The following LMO7 variants were observed in gnomAD, a reference collection of about 807,000 sequenced individuals.
The protein encoded by LMO7 is LIM domain 7, also known as LIM domain only protein 7.
A neutral mutation model predicts 206.5 loss-of-function variants in LMO7; 120 were observed. The ratio of observed to expected loss-of-function variants is 0.58; its 90% CI spans 0.50 to 0.68. LMO7 has a LOEUF of 0.68. Among genes scored for constraint, LMO7 ranks in the 30% least tolerant of loss-of-function variants. The pLI, the probability that LMO7 is intolerant of heterozygous loss-of-function variation, is 0.00. For missense variants in LMO7, 1,959 were observed against 1,957.9 expected, an observed-to-expected ratio of 1.00 and a Z score of -0.01; for synonymous variants, 706 against 681.5, an observed-to-expected ratio of 1.04 and a Z score of -0.56.
At chr13:75,711,593 C>T (rs1034630094) in intron 1 of LMO7, among the ~76,000 whole-genome samples, 8 of 152,214 alleles carry the variant, frequency 5.3e-5, no homozygotes, top group Admixed American at 2.0e-4. Flanking sequence ...CGCCCTGCTT[C>T]GGCTCACGCT....
intron 1 of LMO7, among the ~76,000 whole-genome samples, chr13:75,682,106 T>C (rs1011802786): frequency 4.6e-5 from 7 of 152,140 alleles, no homozygotes; most frequent in South Asian, 4.1e-4. Flanking sequence ...CTACCAACAA[T>C]GTATGAGAGT....
At chr13:75,822,825 AATATAT>A (rs35183302) in intron 14 of LMO7, among the ~76,000 whole-genome samples, 1,348 of 132,854 alleles carry the variant, frequency 0.01, 18 homozygotes, top group Non-Finnish European at 0.015. Flanking sequence ...TATATAATAA[AATATAT>A]ATATATATAT....
intron 3 of LMO7, among the ~76,000 whole-genome samples, chr13:75,732,767 G>C (rs543917093): frequency 8.5e-5 from 13 of 152,196 alleles, no homozygotes; most frequent in Admixed American, 1.3e-4. Flanking sequence ...TCGGCTTTTG[G>C]TCTTTGATGA....
intron 17 of LMO7, among the ~76,000 whole-genome samples, chr13:75,834,986 G>A (rs2059000599): frequency 6.6e-6 from 1 of 152,162 alleles, no homozygotes; most frequent in South Asian, 2.1e-4. Context: ...TTTTGGGAAG[G>A]TGGTCTGTTG....
chr13:75,796,488 A>G, intron 5 of LMO7, 148 bp from the exon 6 acceptor site: 1 of 584,910 alleles, frequency 1.7e-6, no homozygotes, highest in East Asian at 2.8e-5. Flanking sequence ...AATGACTTTT[A>G]CCTTTCCCAT....
chr13:75,642,449 A>AG (rs2036627006), intron 1 of LMO7, among the ~76,000 whole-genome samples: 2 of 150,260 alleles, frequency 1.3e-5, no homozygotes, highest in South Asian at 2.1e-4. Flanking sequence ...TACCAAAAAA[A>AG]AAAAAAAAAA....
At chr13:75,725,860 G>T (rs1240839813) in intron 2 of LMO7, among the ~76,000 whole-genome samples, 1 of 151,846 alleles carries the variant, frequency 6.6e-6, no homozygotes, top group Non-Finnish European at 1.5e-5. Flanking sequence ...TTATAATTTT[G>T]AATCCTGTTG....
At chr13:75,687,950 G>A (rs2041154125) in intron 1 of LMO7, among the ~76,000 whole-genome samples, 1 of 152,134 alleles carries the variant, frequency 6.6e-6, no homozygotes, top group Admixed American at 6.5e-5. Flanking sequence ...TCATGGGGGT[G>A]GTTCTTTCCC....
At chr13:75,822,774 A>G (rs1433019140) in intron 14 of LMO7, among the ~76,000 whole-genome samples, 1 of 102,258 alleles carries the variant, frequency 9.8e-6, no homozygotes, top group Non-Finnish European at 2.2e-5. Flanking sequence ...ATATATATAT[A>G]TATATATATA....
chr13:75,841,174 G>T lies in LMO7; in HGVS notation c.3648G>T (p.Glu1216Asp). ...GGCAAAGGGCCAAACAGGAGGCAGAGAGAGAGAATTCCAAGTACTTGGATG... is the reference window on the plus strand; with the variant it reads ...GGCAAAGGGCCAAACAGGAGGCAGATAGAGAGAATTCCAAGTACTTGGATG... ...EEWQRAKQEAERENSKYLDEE... is the reference protein window; with the variant it reads ...EEWQRAKQEADRENSKYLDEE... The change falls in exon 23 of 31, where the codon GAG becomes GAT. Residue 1216 changes from glutamate (E) to aspartate (D), a missense_variant. Glu to Asp is a conservative substitution (Grantham distance 45). Coordinates refer to ENST00000377534, the MANE Select transcript of LMO7 (RefSeq NM_001306080.2). 1 of 1,613,010 alleles carries T rather than the reference G, an allele frequency of 6.2e-7. No homozygotes were observed. The highest frequency in any genetic ancestry group is 8.5e-7 in the Non-Finnish European group (1 of 1,179,042).
At chr13:75,842,782 C>T (rs1466628467) in intron 24 of LMO7, 69 bp from the exon 25 acceptor site, 1 of 936,594 alleles carries the variant, frequency 1.1e-6, no homozygotes, top group Admixed American at 1.8e-5. Context: ...TTTTGATACC[C>T]TTTTCTTAAA....
At chr13:75,719,035 A>C (rs1249760143) in intron 2 of LMO7, among the ~76,000 whole-genome samples, 1 of 148,118 alleles carries the variant, frequency 6.8e-6, no homozygotes, top group African/African-American at 2.5e-5. Flanking sequence ...GCTGGAGTGC[A>C]ATGGCGCGAT....
intron 1 of LMO7, among the ~76,000 whole-genome samples, chr13:75,644,233 A>G (rs534772006): frequency 2.0e-5 from 3 of 152,234 alleles, no homozygotes; most frequent in Non-Finnish European, 2.9e-5. Context: ...AGTGCATTAT[A>G]CCCACATATC....
chr13:75,856,219 TA>T (rs1024401899), intron 29 of LMO7, among the ~76,000 whole-genome samples: 2 of 152,186 alleles, frequency 1.3e-5, no homozygotes, highest in African/African-American at 4.8e-5. Context: ...TCTGGGGGGA[TA>T]AAAACTAAAT....
chr13:75,690,978 A>G (rs1455284545), intron 1 of LMO7, among the ~76,000 whole-genome samples: 3 of 152,154 alleles, frequency 2.0e-5, no homozygotes, highest in Non-Finnish European at 4.4e-5. Context: ...GTCTTTACAC[A>G]TAAAATTTTT....
rs75569760 is a variant in LMO7 at position 75,804,311 on chromosome 13, G to A, written c.684G>A (p.Ser228=). Residue 228 remains serine, a synonymous_variant, in exon 8 of 31, where the codon TCG becomes TCA. Transcript: ENST00000377534. ...GREGFESDTD[S]EFTFKMQDYN... is the part of the protein sequence containing the mutation. ...TAGGTTTTGAAAGTGACACAGATTCGGAATTTACATTTAAGATGCAGGATT... is the reference window on the plus strand; with the variant it reads ...TAGGTTTTGAAAGTGACACAGATTCAGAATTTACATTTAAGATGCAGGATT... 1.0e-3 allele frequency: 1,644 copies of A among 1,612,968 alleles called. 14 individuals are homozygous for A. The African/African-American group carries it at 0.019, about 18-fold the overall frequency.
chr13:75,817,905 A>G (rs138063767), intron 12 of LMO7, among the ~76,000 whole-genome samples: 127 of 152,256 alleles, frequency 8.3e-4, no homozygotes, highest in African/African-American at 3.0e-3. Flanking sequence ...TAATAGAGTA[A>G]TTGTCATAAA....
At chr13:75,740,665 T>C (rs2046337507) in intron 3 of LMO7, among the ~76,000 whole-genome samples, 1 of 152,218 alleles carries the variant, frequency 6.6e-6, no homozygotes, top group Non-Finnish European at 1.5e-5. Flanking sequence ...AGGTTTCTGC[T>C]GGGTGAATTC....
At chr13:75,634,610 A>G (rs1040392597), upstream of LMO7, among the ~76,000 whole-genome samples, 4 of 151,906 alleles carry the variant, frequency 2.6e-5, no homozygotes, top group African/African-American at 7.3e-5. Flanking sequence ...AGGCGTGGTG[A>G]CGGGCGCCTG....
Sources: gnomAD v4.1 joint callset for allele counts (sites outside exome capture counted in the v4.1 genomes callset) on GRCh38, gnomAD v4.1.1 for gene constraint, MANE v1.5 for transcripts, NCBI Gene and HGNC (gene_info 2026-07-23, HGNC 2026-07-21) for gene names.